FCRL4: variants seen among roughly 807,000 people sequenced by gnomAD.
The protein encoded by FCRL4 is Fc receptor-like protein 4.
Under a neutral mutation model 64.1 loss-of-function variants are expected in FCRL4, and 43 were observed. That is an observed-to-expected ratio of 0.67 (90% CI 0.53 to 0.87). The LOEUF (loss-of-function observed/expected upper bound fraction) is 0.87. Among genes scored for constraint, FCRL4 ranks in the 40% least tolerant of loss-of-function variants. The pLI is 0.00. For missense variants in FCRL4, 656 were observed against 613.5 expected, an observed-to-expected ratio of 1.07 and a Z score of -0.73; for synonymous variants, 253 against 239.8, an observed-to-expected ratio of 1.05 and a Z score of -0.51.
At chr1:157,580,233 T>C in intron 8 of FCRL4, 88 bp downstream of exon 8, 8 of 1,392,830 alleles carry the variant, frequency 5.7e-6, no homozygotes, top group Non-Finnish European at 8.2e-6. Context: ...GCCAAAGAGG[T>C]ATAACTTGAC....
intron 2 of FCRL4, among the ~76,000 whole-genome samples, chr1:157,595,957 G>A (rs913748284): frequency 1.5e-4 from 23 of 152,198 alleles, no homozygotes; most frequent in African/African-American, 5.1e-4. Context: ...AGCTGCTGGA[G>A]CCCCAGCCTC....
At chr1:157,583,320 C>A (rs548457510) in intron 6 of FCRL4, among the ~76,000 whole-genome samples, 1 of 152,268 alleles carries the variant, frequency 6.6e-6, no homozygotes, top group East Asian at 1.9e-4. Context: ...GCTTAGAGGA[C>A]ACCTCCATAG....
intron 6 of FCRL4, among the ~76,000 whole-genome samples, chr1:157,585,592 C>G (rs1426576231): frequency 6.6e-6 from 1 of 151,974 alleles, no homozygotes; most frequent in African/African-American, 2.4e-5. Flanking sequence ...TGTGATATCC[C>G]AAAGTAAGGC....
At chr1:157,595,592 A>G (rs1398382844) in intron 2 of FCRL4, among the ~76,000 whole-genome samples, 1 of 152,172 alleles carries the variant, frequency 6.6e-6, no homozygotes, top group East Asian at 1.9e-4. Flanking sequence ...TCATTTCCCC[A>G]TTCTAGAACC....
chr1:157,586,137 A>G, intron 6 of FCRL4, 31 bp downstream of exon 6: 3 of 1,564,194 alleles, frequency 1.9e-6, no homozygotes, highest in Non-Finnish European at 2.6e-6. Flanking sequence ...TTTGCTGAGA[A>G]TAAATAAGGT....
At chr1:157,578,981 GC>G (rs1652483817) in intron 8 of FCRL4, 129 bp from the exon 9 acceptor site, 1 of 693,266 alleles carries the variant, frequency 1.4e-6, no homozygotes, top group Non-Finnish European at 2.4e-6. Flanking sequence ...GAACTGGAAA[GC>G]CTGAATGGTT....
chr1:157,592,269 T>C (rs987030476), intron 2 of FCRL4, among the ~76,000 whole-genome samples: 11 of 152,022 alleles, frequency 7.2e-5, no homozygotes, highest in African/African-American at 2.7e-4. Context: ...ACTAAAGAGC[T>C]TCTGCACAGC....
Position 157,575,705 on chromosome 1 carries a change from C to T in FCRL4, c.1455G>A (p.Glu485=), listed in dbSNP as rs762228769. The T allele has an allele frequency of 5.6e-6, 9 of 1,613,848 alleles. No individual in the cohort carries two copies. Among genetic ancestry groups the T allele is most frequent in the Non-Finnish European group, 6.8e-6 (8 of 1,179,828 alleles). ...EEANTSRTLL[E]DKDVSVVYSE... is the part of the protein sequence containing the mutation. ...GTGGGGAAATGAAACTCACCTTATCCTCTAGAAGTGTCCTGGAGGTATTAG... is the reference window on the plus strand; with the variant it reads ...GTGGGGAAATGAAACTCACCTTATCTTCTAGAAGTGTCCTGGAGGTATTAG... The change falls in exon 11 of 12, where the codon GAG becomes GAA. Residue 485 remains glutamate (E), a synonymous_variant. Transcript: ENST00000271532.
chr1:157,578,941 A>G, intron 8 of FCRL4, 89 bp from the exon 9 acceptor site: 1 of 1,087,730 alleles, frequency 9.2e-7, no homozygotes, highest in Non-Finnish European at 1.3e-6. Context: ...GAGGAGAAAG[A>G]GGATTTGGAG....
intron 2 of FCRL4, among the ~76,000 whole-genome samples, chr1:157,590,733 G>T (rs1652820050): frequency 6.6e-6 from 1 of 151,940 alleles, no homozygotes; most frequent in South Asian, 2.1e-4. Context: ...TAGCCAGGAT[G>T]GTCTCTATCT....
intron 8 of FCRL4, among the ~76,000 whole-genome samples, chr1:157,579,528 C>A (rs1271307728): frequency 6.6e-6 from 1 of 152,130 alleles, no homozygotes; most frequent in African/African-American, 2.4e-5. Flanking sequence ...ACCAGCCCAG[C>A]CAACATTGTG....
rs985642404 is a variant in FCRL4 at position 157,575,462 on chromosome 1, C to T, written c.*62G>A. On this transcript the variant is annotated 3_prime_UTR_variant, in exon 12 of 12. Transcript: ENST00000271532. ...CAGGGGCCGCAAGGACTGCACTGGG[C>T]CTGGGACTTTGGACAAGGGAGAAAT... is the stretch of plus-strand genomic sequence containing the variant. 3 of 1,289,942 alleles carry T rather than the reference C, an allele frequency of 2.3e-6. No homozygotes were observed. The highest frequency in any genetic ancestry group is 3.6e-5 in the Admixed American group (2 of 55,154). 79.9% of individuals were successfully genotyped at this position (1,289,942 alleles called of 1,614,324 possible).
rs766255663 is a variant in FCRL4, at chr1:157,597,949, G to T, written c.-5C>A. On this transcript the variant is annotated 5_prime_UTR_variant, in exon 1 of 12. Coordinates refer to ENST00000271532, the MANE Select transcript of FCRL4 (RefSeq NM_031282.3). The stretch of plus-strand genomic sequence containing the variant: ...CAAGGACGCCCACAGCAGCATGGAA[G>T]CCTGCTCCAGGATTGGAGAAGGAGT... The T allele has an allele frequency of 1.7e-5, 27 of 1,612,556 alleles. No homozygotes were observed. Among genetic ancestry groups the T allele is most frequent in the Admixed American group, 6.7e-5 (4 of 59,926 alleles).
intron 6 of FCRL4, among the ~76,000 whole-genome samples, chr1:157,582,431 C>T (rs1044758382): frequency 2.0e-5 from 3 of 152,060 alleles, no homozygotes; most frequent in African/African-American, 7.2e-5. Flanking sequence ...AAATTTATAC[C>T]GTGCCCTGTA....
chr1:157,586,227 C>T lies in FCRL4; in HGVS notation c.1076G>A (p.Cys359Tyr), dbSNP rs1042152605. 8 of 1,614,146 alleles carry T rather than the reference C, an allele frequency of 5.0e-6. 1 individual carries two copies. Among genetic ancestry groups the T allele is most frequent in the Middle Eastern group, 1.6e-4 (1 of 6,062 alleles). ...AGGGCCGTAGCTGTTGTCTGCTGTA[C>T]AGTAGTATCCCCCTGCATGGCTCTG... ...IRQSHAGGYY[C>Y]TADNSYGPVQ... Residue 359 changes from cysteine to tyrosine, a missense_variant, in exon 6 of 12, where the codon TGT becomes TAT. By Grantham distance (194) the Cys-to-Tyr change is radical. Coordinates refer to ENST00000271532, the MANE Select transcript of FCRL4 (RefSeq NM_031282.3).
In FCRL4 at chr1:157,596,327, C is replaced by A. The variant is rs753091088; in HGVS notation, c.52+1G>T. 8.7e-6 allele frequency: 14 copies of A among 1,613,810 alleles called. No homozygotes were observed. In the Admixed American group the frequency reaches 2.0e-4, roughly 23 times the overall value. Reference sequence around the variant, plus strand: ...AAGGAGCAAAGAAAATAAGGACTTACCAGATTGTCCACAGACTGGAGCTGA... The same window carrying A: ...AAGGAGCAAAGAAAATAAGGACTTAACAGATTGTCCACAGACTGGAGCTGA... On this transcript the variant is annotated splice_donor_variant, in intron 2 of 11. Coordinates refer to ENST00000271532, the MANE Select transcript of FCRL4 (RefSeq NM_031282.3). LOFTEE classifies it high-confidence loss of function.
Position 157,587,705 on chromosome 1 carries a change from G to T in FCRL4, c.563-145C>A, listed in dbSNP as rs1652735069. 25 of 1,124,732 alleles carry T rather than the reference G, an allele frequency of 2.2e-5. No individual in the cohort carries two copies. In the South Asian group the frequency reaches 3.6e-4, roughly 16 times the overall value. 69.7% of individuals were successfully genotyped at this position (1,124,732 alleles called of 1,614,324 possible). ...CCTCTATCACAGTTTTCTTCTACAG[G>T]ATTATTCAGGTCCAATCACCCCACT... On this transcript the variant is annotated intron_variant, in intron 4 of 11. Transcript: ENST00000271532.
chr1:157,580,241 G>T, intron 8 of FCRL4, 80 bp downstream of exon 8: 2 of 1,461,010 alleles, frequency 1.4e-6, no homozygotes, highest in South Asian at 2.3e-5. Context: ...GGTATAACTT[G>T]ACCTAATTTC....
At chr1:157,596,733 A>G (rs551956604) in intron 1 of FCRL4, among the ~76,000 whole-genome samples, 2 of 152,246 alleles carry the variant, frequency 1.3e-5, no homozygotes, top group South Asian at 2.1e-4. Context: ...TTGACTCAGA[A>G]CACTTATTAT....
Sources: allele counts gnomAD v4.1 joint callset (sites outside exome capture counted in the v4.1 genomes callset), GRCh38; gene constraint gnomAD v4.1.1; transcripts MANE v1.5; gene names NCBI Gene and HGNC (gene_info 2026-07-23, HGNC 2026-07-21).